The following CA5B variants were observed in gnomAD, a reference collection of about 807,000 sequenced individuals.
The protein encoded by CA5B is carbonic anhydrase 5B, mitochondrial.
In CA5B, 15 loss-of-function variants were observed where a neutral mutation model predicts 23.1. The observed-to-expected ratio is 0.65, with a 90% CI of 0.43 to 1.00. The LOEUF (loss-of-function observed/expected upper bound fraction) is 1.00. Ranked by LOEUF, CA5B falls within the 50% of genes least tolerant of loss-of-function variation. The pLI is 0.00. For synonymous variants in CA5B, 84 were observed against 98.5 expected (o/e 0.85, Z 0.87); for missense variants, 236 against 252.2 (o/e 0.94, Z 0.43).
intron 2 of CA5B, among the ~76,000 whole-genome samples, chrX:15,752,146 A>C: frequency 9.0e-6 from 1 of 110,860 alleles, no homozygotes; most frequent in Middle Eastern, 4.6e-3. Flanking sequence ...GACATAAATC[A>C]ATACATGTAA....
intron 2 of CA5B, among the ~76,000 whole-genome samples, chrX:15,753,597 A>G (rs992022140): frequency 7.1e-5 from 8 of 112,573 alleles, no homozygotes; most frequent in African/African-American, 2.6e-4. Context: ...GCCATTTCAA[A>G]ATATGTCAAA....
chrX:15,766,335 T>A (rs1457248948), intron 3 of CA5B, among the ~76,000 whole-genome samples: 1 of 110,663 alleles, frequency 9.0e-6, no homozygotes, highest in Non-Finnish European at 1.9e-5. Flanking sequence ...TGTCTGGTTT[T>A]CTCCCTTCTG....
chrX:15,782,606 A>G lies in CA5B; in HGVS notation c.896A>G (p.Asp299Gly). 8.3e-7 allele frequency: 1 copy of G among 1,208,709 alleles called. No homozygotes were observed. The highest frequency in any genetic ancestry group is 1.8e-5 in the South Asian group (1 of 56,274). ...NRTVRSSFRHDYVLNVQAKPK... is the reference protein window; with the variant it reads ...NRTVRSSFRHGYVLNVQAKPK... Reference sequence around the variant, plus strand: ...ACTGTTCGTTCATCCTTCCGGCATGATTATGTGCTGAATGTACAAGCGAAA... The same window carrying G: ...ACTGTTCGTTCATCCTTCCGGCATGGTTATGTGCTGAATGTACAAGCGAAA... Residue 299 changes from aspartate to glycine, a missense_variant, in exon 8 of 8, where the codon GAT becomes GGT. Around this residue, in one of 3 missense-constraint regions of CA5B, gnomAD observed 170 missense variants for 162.0 expected, o/e 1.05. Transcript: ENST00000318636.
At chrX:15,773,530 C>T (rs1466421437) in intron 4 of CA5B, among the ~76,000 whole-genome samples, 1 of 107,603 alleles carries the variant, frequency 9.3e-6, no homozygotes, top group Non-Finnish European at 1.9e-5. Flanking sequence ...CTGTCTCAGC[C>T]CCCCAAGTAG....
chrX:15,750,204 C>A, intron 2 of CA5B, 39 bp downstream of exon 2: 1 of 1,027,946 alleles, frequency 9.7e-7, no homozygotes, highest in South Asian at 2.2e-5. Flanking sequence ...AAAAAGGGCT[C>A]CAGCCTGAGT....
At chrX:15,768,066 T>G (rs1467042631) in intron 3 of CA5B, among the ~76,000 whole-genome samples, 1 of 108,965 alleles carries the variant, frequency 9.2e-6, no homozygotes, top group African/African-American at 3.3e-5. Context: ...ACCTGGCTAA[T>G]TTTTGTATTT....
At chrX:15,775,204 A>G in intron 5 of CA5B, 42 bp from the exon 6 acceptor site, 1 of 992,626 alleles carries the variant, frequency 1.0e-6, no homozygotes, top group Non-Finnish European at 1.4e-6. Flanking sequence ...CTACAGTGAG[A>G]TGTCCATTGT....
At chrX:15,747,343 G>A (rs972130048) in intron 1 of CA5B, among the ~76,000 whole-genome samples, 2 of 111,585 alleles carry the variant, frequency 1.8e-5, no homozygotes, top group Non-Finnish European at 3.8e-5. Flanking sequence ...CATAGGTTAC[G>A]GGTTTTTCAA....
chrX:15,774,892 A>G (rs775431294), intron 5 of CA5B, among the ~76,000 whole-genome samples: 4 of 112,457 alleles, frequency 3.6e-5, no homozygotes, highest in African/African-American at 6.5e-5. Context: ...GCACAGCCCA[A>G]TAGAGTGGTC....
chrX:15,781,800 A>G (rs779926650), intron 7 of CA5B, among the ~76,000 whole-genome samples: 27 of 110,877 alleles, frequency 2.4e-4, no homozygotes, highest in Non-Finnish European at 4.5e-4. Context: ...CTATAATCCC[A>G]GCTACTTGGG....
At chrX:15,775,071 CTAATT>C (rs996185970) in intron 5 of CA5B, among the ~76,000 whole-genome samples, 170 bp from the exon 6 acceptor site, 4 of 112,766 alleles carry the variant, frequency 3.5e-5, no homozygotes, top group African/African-American at 9.7e-5. Context: ...GATTTGTTCT[CTAATT>C]TAATTCAGTA....
rs140182437 is a variant in CA5B at position 15,773,110 on chromosome X, A to C, written c.459+496A>C. 8.7e-4 allele frequency among the ~76,000 whole-genome samples: 97 copies of C among 112,008 alleles called. 1 individual carries two copies. The East Asian group carries it at 0.025, about 29-fold the overall frequency. The stretch of plus-strand genomic sequence containing the variant: ...GGAGGCTGGGTGATAATGCACTCAT[A>C]ACTGATGAATGAGGAATGATTTGTA... On this transcript the variant is annotated intron_variant, in intron 4 of 7. Coordinates refer to ENST00000318636, the MANE Select transcript of CA5B (RefSeq NM_007220.4).
intron 2 of CA5B, among the ~76,000 whole-genome samples, chrX:15,756,460 G>A (rs746768856): frequency 8.9e-6 from 1 of 112,967 alleles, no homozygotes; most frequent in Non-Finnish European, 1.9e-5. Context: ...CTGAGGAATG[G>A]TTGGATGCTA....
chrX:15,767,944 G>C (rs113285954), intron 3 of CA5B, among the ~76,000 whole-genome samples: 2 of 96,013 alleles, frequency 2.1e-5, no homozygotes, highest in Admixed American at 1.2e-4. Flanking sequence ...TGTCGCCCAG[G>C]CTGGAGTGCA....
chrX:15,757,146 C>T (rs945693577), intron 2 of CA5B, among the ~76,000 whole-genome samples: 9 of 109,981 alleles, frequency 8.2e-5, no homozygotes, highest in East Asian at 5.7e-4. Context: ...GAGGCCAAGG[C>T]GGGTGGATCA....
At chrX:15,740,301 A>G (rs941637600) in intron 1 of CA5B, among the ~76,000 whole-genome samples, 1 of 112,393 alleles carries the variant, frequency 8.9e-6, no homozygotes, top group Non-Finnish European at 1.9e-5. Context: ...ATTAGTTGAT[A>G]TGTGCTGTGT....
At chrX:15,746,677 A>G (rs920891811) in intron 1 of CA5B, among the ~76,000 whole-genome samples, 2 of 111,518 alleles carry the variant, frequency 1.8e-5, no homozygotes, top group African/African-American at 6.5e-5. Flanking sequence ...TCCAGGGATC[A>G]GTTTTTAAAG....
chrX:15,762,088 C>T (rs868065782), intron 2 of CA5B, among the ~76,000 whole-genome samples: 5 of 110,687 alleles, frequency 4.5e-5, no homozygotes, highest in African/African-American at 1.6e-4. Context: ...GCCAACACAG[C>T]GAAACCCCAT....
At chrX:15,740,108 T>C (rs1023916111) in intron 1 of CA5B, among the ~76,000 whole-genome samples, 3 of 111,702 alleles carry the variant, frequency 2.7e-5, no homozygotes, top group Non-Finnish European at 3.8e-5. Flanking sequence ...TCCACGCATT[T>C]CTAAGTCTGG....
Sources: gnomAD v4.1 joint callset for allele counts (sites outside exome capture counted in the v4.1 genomes callset) on GRCh38, gnomAD v4.1.1 for gene constraint, gnomAD v4.1.1 regional missense constraint, MANE v1.5 for transcripts, NCBI Gene and HGNC (gene_info 2026-07-23, HGNC 2026-07-21) for gene names.